The following PIAS2 variants were observed in gnomAD, a reference collection of about 807,000 sequenced individuals.
PIAS2 encodes protein inhibitor of activated STAT 2, also known as E3 SUMO-protein ligase PIAS2.
A neutral mutation model predicts 69.7 loss-of-function variants in PIAS2; 19 were observed. The observed-to-expected ratio is 0.27, with a 90% confidence interval of 0.19 to 0.40. The LOEUF (loss-of-function observed/expected upper bound fraction) is 0.40. Ranked by LOEUF, PIAS2 falls within the 10% of genes least tolerant of loss-of-function variation. PIAS2 has a pLI of 1.00. For missense variants in PIAS2, 624 were observed against 757.0 expected (o/e 0.82, Z 2.06); for synonymous variants, 261 against 263.2 (o/e 0.99, Z 0.08).
chr18:46,873,619 T>C (rs2050706039), intron 2 of PIAS2, among the ~76,000 whole-genome samples: 1 of 152,212 alleles, frequency 6.6e-6, no homozygotes, highest in Admixed American at 6.5e-5. Context: ...ATTCTAAATA[T>C]GTCTTTGGGG....
At chr18:46,889,071 AT>A (rs2053656268) in intron 2 of PIAS2, among the ~76,000 whole-genome samples, 1 of 152,242 alleles carries the variant, frequency 6.6e-6, no homozygotes, top group Non-Finnish European at 1.5e-5. Context: ...CTAATACCAT[AT>A]ACGAAAATTA....
chr18:46,836,589 T>C lies in PIAS2; in HGVS notation c.1042-72A>G, dbSNP rs143295734. On this transcript the variant is annotated intron_variant, in intron 8 of 13. Coordinates refer to ENST00000585916, the MANE Select transcript of PIAS2 (RefSeq NM_004671.5). ...AGCTCAGAGGGAACATGGTCAGTTG[T>C]AAAAGTCGGAAGATGTCATACAAGA... 6,293 of 1,120,428 alleles carry C rather than the reference T, an allele frequency of 5.6e-3. 25 individuals are homozygous for C. Among genetic ancestry groups the C allele is most frequent in the Non-Finnish European group, 7.4e-3 (5,814 of 783,584 alleles). 69.4% of individuals were successfully genotyped at this position (1,120,428 alleles called of 1,614,324 possible).
intron 12 of PIAS2, chr18:46,818,426 A>T (rs532262850): frequency 2.5e-5 from 40 of 1,576,560 alleles, no homozygotes; most frequent in Non-Finnish European, 3.1e-5. Context: ...TTCATTATTA[A>T]TATCATTTCT....
Position 46,806,512 on chromosome 18 carries a change from C to T in PIAS2, c.*5921G>A, listed in dbSNP as rs949880140. The T allele has an allele frequency of 4.6e-5, 7 of 151,874 alleles. No individual in the cohort carries two copies. Among genetic ancestry groups the T allele is most frequent in the African/African-American group, 1.7e-4 (7 of 41,366 alleles). The allele number at this position is 151,874 out of a possible 1,614,324, so 9.4% of individuals were successfully genotyped here. A position where few individuals can be genotyped will look rare whatever the true frequency, so the allele number is the denominator to read the frequency against. Reference sequence around the variant, plus strand: ...AGCTGGGATTACAGACATGAGCCATCATGCCCTAATTTTTTGTATTTTTAG... The same window carrying T: ...AGCTGGGATTACAGACATGAGCCATTATGCCCTAATTTTTTGTATTTTTAG... On this transcript the variant is annotated 3_prime_UTR_variant, in exon 14 of 14. Transcript: ENST00000585916.
intron 1 of PIAS2, chr18:46,901,056 T>A (rs1368233838): frequency 2.5e-6 from 1 of 404,188 alleles, no homozygotes; most frequent in South Asian, 1.8e-5. Context: ...GATGAGAGAA[T>A]ATTTCCAAAT....
At chr18:46,878,563 A>G (rs2051637685) in intron 2 of PIAS2, among the ~76,000 whole-genome samples, 1 of 152,226 alleles carries the variant, frequency 6.6e-6, no homozygotes. Flanking sequence ...AAACTGGTTT[A>G]TATTTCAGTA....
intron 12 of PIAS2, chr18:46,817,677 T>A: frequency 1.0e-6 from 1 of 961,760 alleles, no homozygotes; most frequent in Non-Finnish European, 1.2e-6. Context: ...AATTCTAGAT[T>A]GTTTACCAAG....
chr18:46,903,972 C>T (rs1478191562), intron 1 of PIAS2: 2 of 152,058 alleles, frequency 1.3e-5, no homozygotes, highest in Non-Finnish European at 2.9e-5. Flanking sequence ...AAAGGTTATC[C>T]ACTGTGTGAT....
intron 8 of PIAS2, among the ~76,000 whole-genome samples, chr18:46,840,363 C>T (rs1298056073): frequency 6.6e-6 from 1 of 152,028 alleles, no homozygotes; most frequent in Non-Finnish European, 1.5e-5. Flanking sequence ...CTTTATGCTC[C>T]TAAGAGAAAA....
intron 2 of PIAS2, among the ~76,000 whole-genome samples, chr18:46,872,163 A>G (rs1476015728): frequency 1.3e-5 from 2 of 152,218 alleles, no homozygotes; most frequent in East Asian, 3.9e-4. Flanking sequence ...TAAAGAAATT[A>G]GACGGGTCAT....
chr18:46,915,643 C>T (rs2057742770), intron 1 of PIAS2: 1 of 152,182 alleles, frequency 6.6e-6, no homozygotes, highest in African/African-American at 2.4e-5. Flanking sequence ...TGGTTTCTAT[C>T]ACTTTCCAGT....
chr18:46,838,005 C>T (rs1223899790), intron 8 of PIAS2, among the ~76,000 whole-genome samples: 2 of 152,102 alleles, frequency 1.3e-5, no homozygotes, highest in Non-Finnish European at 2.9e-5. Context: ...AAACAGGAAA[C>T]GAAGAAGACG....
At chr18:46,872,492 C>T (rs2050515962) in intron 2 of PIAS2, among the ~76,000 whole-genome samples, 1 of 152,200 alleles carries the variant, frequency 6.6e-6, no homozygotes, top group African/African-American at 2.4e-5. Flanking sequence ...ACCCCCAAAA[C>T]ACATATGCTT....
intron 3 of PIAS2, among the ~76,000 whole-genome samples, 198 bp downstream of exon 3, chr18:46,863,962 CATCT>C (rs890472767): frequency 1.3e-5 from 2 of 152,078 alleles, no homozygotes; most frequent in African/African-American, 4.8e-5. Context: ...GAGAAAAGGC[CATCT>C]GAGACGTGCA....
At chr18:46,828,616 C>T (rs1206936118) in intron 10 of PIAS2, among the ~76,000 whole-genome samples, 1 of 152,130 alleles carries the variant, frequency 6.6e-6, no homozygotes, top group East Asian at 1.9e-4. Context: ...AAAGAAAGTA[C>T]AGACTTTTCA....
intron 13 of PIAS2, among the ~76,000 whole-genome samples, chr18:46,814,293 C>A (rs993950491): frequency 6.6e-6 from 1 of 152,102 alleles, no homozygotes; most frequent in Non-Finnish European, 1.5e-5. Flanking sequence ...ATAACTTAGA[C>A]CACTACTAAA....
At chr18:46,896,595 A>G (rs1442746435) in intron 1 of PIAS2, among the ~76,000 whole-genome samples, 1 of 152,248 alleles carries the variant, frequency 6.6e-6, no homozygotes, top group Non-Finnish European at 1.5e-5. Flanking sequence ...AAATTCAAAA[A>G]ACATGCAAAT....
chr18:46,877,760 G>C (rs539268037), intron 2 of PIAS2, among the ~76,000 whole-genome samples: 1 of 152,136 alleles, frequency 6.6e-6, no homozygotes, highest in African/African-American at 2.4e-5. Context: ...GTGTGCTCTC[G>C]CAGTGGCCAA....
chr18:46,855,489 T>C lies in PIAS2; in HGVS notation c.636-54A>G, dbSNP rs1362513794. The C allele has an allele frequency of 3.2e-5, 50 of 1,565,906 alleles. 1 individual carries two copies. The East Asian group carries it at 7.4e-4, about 23-fold the overall frequency. ...TAAATAGTGTGCTCAAACATTCTTA[T>C]ATGTTTTAAAATTCAGAACTACATG... On this transcript the variant is annotated intron_variant, in intron 4 of 13. Coordinates refer to ENST00000585916, the MANE Select transcript of PIAS2 (RefSeq NM_004671.5).
Sources: gnomAD v4.1 joint callset for allele counts (sites outside exome capture counted in the v4.1 genomes callset) on GRCh38, gnomAD v4.1.1 for gene constraint, MANE v1.5 for transcripts, NCBI Gene and HGNC (gene_info 2026-07-23, HGNC 2026-07-21) for gene names.